The following MDGA2 variants were observed in gnomAD, a reference collection of about 807,000 sequenced individuals.
MDGA2 encodes MAM domain containing glycosylphosphatidylinositol anchor 2.
In MDGA2, 40 loss-of-function variants were observed where a neutral mutation model predicts 117.8. The ratio of observed to expected loss-of-function variants is 0.34; its 90% CI spans 0.26 to 0.44. The LOEUF is 0.44. MDGA2 is among the 20% of genes least tolerant of loss of function. The pLI is 1.00. For missense variants in MDGA2, 1,123 were observed against 1,250.6 expected (o/e 0.90, Z 1.54); for synonymous variants, 452 against 439.0 (o/e 1.03, Z -0.37).
chr14:47,584,977 T>C (rs1353960065), intron 1 of MDGA2, among the ~76,000 whole-genome samples: 1 of 151,824 alleles, frequency 6.6e-6, no homozygotes, highest in Non-Finnish European at 1.5e-5. Flanking sequence ...TGAATCCCAC[T>C]TCCCCATTCA....
intron 1 of MDGA2, among the ~76,000 whole-genome samples, chr14:47,609,428 C>CACATATAT (rs1477357010): frequency 2.3e-4 from 4 of 17,564 alleles, no homozygotes; most frequent in Non-Finnish European, 4.2e-4. Flanking sequence ...AGTATTCCAT[C>CACATATAT]ATATATATAT....
intron 3 of MDGA2, among the ~76,000 whole-genome samples, chr14:47,164,429 CAGGTGGGCAA>C: frequency 6.6e-6 from 1 of 152,258 alleles, no homozygotes; most frequent in East Asian, 1.9e-4. Context: ...ACCCCATCAA[CAGGTGGGCAA>C]AGGATATGAA....
intron 1 of MDGA2, among the ~76,000 whole-genome samples, chr14:47,519,442 C>G (rs575799177): frequency 2.0e-4 from 31 of 152,242 alleles, no homozygotes; most frequent in African/African-American, 6.0e-4. Context: ...TTGTATACAG[C>G]ATATGACTCA....
chr14:47,347,201 T>C (rs1890780106), intron 1 of MDGA2, among the ~76,000 whole-genome samples: 1 of 152,160 alleles, frequency 6.6e-6, no homozygotes, highest in African/African-American at 2.4e-5. Context: ...GCAAGCGACA[T>C]GGCCAGATTT....
intron 1 of MDGA2, among the ~76,000 whole-genome samples, chr14:47,379,431 A>G (rs558160923): frequency 1.3e-5 from 2 of 152,346 alleles, no homozygotes; most frequent in African/African-American, 4.8e-5. Context: ...GGCAAATTGG[A>G]TAAAGAGTGA....
intron 8 of MDGA2, among the ~76,000 whole-genome samples, chr14:47,026,010 T>G (rs181497015): frequency 1.1e-3 from 162 of 152,294 alleles, no homozygotes; most frequent in African/African-American, 3.7e-3. Context: ...AGACCCTTGG[T>G]AGATTATTCA....
chr14:47,221,053 T>C (rs980315694), intron 2 of MDGA2, among the ~76,000 whole-genome samples: 1 of 152,122 alleles, frequency 6.6e-6, no homozygotes, highest in African/African-American at 2.4e-5. Flanking sequence ...AGTTAATAGA[T>C]ATTCATTTAA....
rs929019973 is a variant in MDGA2 at position 47,141,943 on chromosome 14, T to C, written c.792+2135A>G. 5.9e-5 allele frequency among the ~76,000 whole-genome samples: 9 copies of C among 152,226 alleles called. No individual in the cohort carries two copies. In the East Asian group the frequency reaches 1.2e-3, roughly 20 times the overall value. On this transcript the variant is annotated intron_variant, in intron 4 of 16. Coordinates refer to ENST00000399232, the MANE Select transcript of MDGA2 (RefSeq NM_001113498.3). ...GCTAAATACCCTGATTTGATTATGA[T>C]ACAATGTGTAGACATGTATCAAAAC... is the stretch of plus-strand genomic sequence containing the variant.
In MDGA2 at chr14:47,561,171, G is replaced by GTTTTTTTTTTTT. The variant is rs1594918273; in HGVS notation, c.280+113345_280+113346insAAAAAAAAAAAA. Among the ~76,000 whole-genome samples, 186 of 68,316 alleles carry GTTTTTTTTTTTT rather than the reference G, an allele frequency of 2.7e-3. 4 individuals carry two copies. Among genetic ancestry groups the GTTTTTTTTTTTT allele is most frequent in the South Asian group, 0.012 (19 of 1,524 alleles). 44.8% of individuals were successfully genotyped at this position (68,316 alleles called of 152,430 possible). A position where few individuals can be genotyped will look rare whatever the true frequency, so the allele number is the denominator to read the frequency against. ...TTTTTTTGTTTTGTTTTGTTTTTTT[G>GTTTTTTTTTTTT]TTTGTTTGTTTTTTTTTGCTTAGGA... On this transcript the variant is annotated intron_variant, in intron 1 of 16. Transcript: ENST00000399232.
At chr14:47,146,131 A>C (rs1259045603) in intron 3 of MDGA2, among the ~76,000 whole-genome samples, 1 of 152,208 alleles carries the variant, frequency 6.6e-6, no homozygotes, top group African/African-American at 2.4e-5. Context: ...TTAACATAAT[A>C]AAATGCCAAC....
At chr14:47,628,122 C>T (rs1195037393) in intron 1 of MDGA2, among the ~76,000 whole-genome samples, 1 of 152,208 alleles carries the variant, frequency 6.6e-6, no homozygotes, top group Non-Finnish European at 1.5e-5. Flanking sequence ...AGCATATTCT[C>T]TTCCCACTGT....
intron 1 of MDGA2, among the ~76,000 whole-genome samples, chr14:47,447,788 C>T (rs970155056): frequency 2.6e-5 from 4 of 152,202 alleles, no homozygotes; most frequent in African/African-American, 9.6e-5. Context: ...GATGAGGACA[C>T]AGCTCCAGTC....
intron 1 of MDGA2, among the ~76,000 whole-genome samples, chr14:47,633,258 T>A (rs1897269493): frequency 6.6e-6 from 1 of 152,152 alleles, no homozygotes; most frequent in Admixed American, 6.5e-5. Context: ...TATGCCCATT[T>A]TATTTGCTGC....
intron 1 of MDGA2, among the ~76,000 whole-genome samples, chr14:47,534,907 C>G (rs1234595934): frequency 6.6e-6 from 1 of 152,174 alleles, no homozygotes; most frequent in Non-Finnish European, 1.5e-5. Context: ...TCTCACAGAT[C>G]CGTTTGGACA....
chr14:47,425,056 G>C (rs956615036), intron 1 of MDGA2, among the ~76,000 whole-genome samples: 1 of 152,110 alleles, frequency 6.6e-6, no homozygotes, highest in African/African-American at 2.4e-5. Context: ...AGCTCCCAAG[G>C]TAGACCTTCA....
chr14:47,382,214 T>G (rs1891650864), intron 1 of MDGA2, among the ~76,000 whole-genome samples: 1 of 152,200 alleles, frequency 6.6e-6, no homozygotes, highest in Admixed American at 6.5e-5. Context: ...CAAGATGGAT[T>G]AAAGACTTAC....
At chr14:47,054,913 T>G (rs916495787) in intron 7 of MDGA2, among the ~76,000 whole-genome samples, 3 of 151,974 alleles carry the variant, frequency 2.0e-5, no homozygotes, top group South Asian at 4.2e-4. Context: ...GAAGAAAAAC[T>G]AGGCTAAGCT....
intron 2 of MDGA2, among the ~76,000 whole-genome samples, chr14:47,295,853 G>A (rs982245776): frequency 2.6e-5 from 4 of 151,996 alleles, no homozygotes; most frequent in African/African-American, 9.7e-5. Context: ...GCAGTTAGCC[G>A]AGATTGTGCC....
At chr14:47,553,423 A>G (rs1054210690) in intron 1 of MDGA2, among the ~76,000 whole-genome samples, 7 of 152,328 alleles carry the variant, frequency 4.6e-5, no homozygotes, top group African/African-American at 1.4e-4. Flanking sequence ...ATTATTATGT[A>G]ACATGAATAG....
Sources: allele counts gnomAD v4.1 joint callset (sites outside exome capture counted in the v4.1 genomes callset), GRCh38; gene constraint gnomAD v4.1.1; transcripts MANE v1.5; gene names NCBI Gene and HGNC (gene_info 2026-07-23, HGNC 2026-07-21).